The following THTPA variants were observed in gnomAD, a reference collection of about 807,000 sequenced individuals.
The protein encoded by THTPA is thiamine-triphosphatase.
In THTPA, 16 loss-of-function variants were observed where a neutral mutation model predicts 16.5. The ratio of observed to expected loss-of-function variants is 0.97; its 90% CI spans 0.66 to 1.47. THTPA has a LOEUF of 1.47. Among genes scored for constraint, THTPA ranks in the 40% most tolerant of loss-of-function variants. The pLI is 0.00. For missense variants in THTPA, 281 were observed against 280.9 expected (o/e 1.00, Z 0.00); for synonymous variants, 110 against 115.5 (o/e 0.95, Z 0.30).
chr14:23,514,904 G>A, the THTPA span, among the ~76,000 whole-genome samples: 4 of 152,090 alleles, frequency 2.6e-5, no homozygotes, highest in African/African-American at 9.7e-5. Context: ...CTCCCAACTA[G>A]ATATCCACCT....
At chr14:23,533,160 A>T in the THTPA span, 1 of 1,456,298 alleles carries the variant, frequency 6.9e-7, no homozygotes, top group Non-Finnish European at 9.0e-7. This position sits in a 1 kb window ranked among gnomAD's most constrained non-coding sequence, Gnocchi z 4.8. Context: ...GAGGTGGGTT[A>T]ATGAGTAGGA....
At chr14:23,530,635 T>A in the THTPA span, 1 of 352,892 alleles carries the variant, frequency 2.8e-6, no homozygotes, top group East Asian at 7.9e-5. Flanking sequence ...ACCGCTCAAG[T>A]AAGAATTGAC....
At chr14:23,522,981 C>T in the THTPA span, 1 of 1,428,134 alleles carries the variant, frequency 7.0e-7, no homozygotes. Flanking sequence ...TAGCCATCTC[C>T]TGTCCCATCA....
chr14:23,519,913 C>T, the THTPA span, among the ~76,000 whole-genome samples: 59 of 152,236 alleles, frequency 3.9e-4, no homozygotes, highest in Admixed American at 9.1e-4. Flanking sequence ...GGAAGGAGAA[C>T]ACCTTGAAAG....
At chr14:23,525,300 G>T in the THTPA span, 1 of 1,536,114 alleles carries the variant, frequency 6.5e-7, no homozygotes, top group Non-Finnish European at 8.7e-7. The surrounding 1 kb of genome is among the most constrained non-coding windows in gnomAD (Gnocchi z 5.9). Flanking sequence ...GGTGGGCCCA[G>T]ATGGGGAACA....
chr14:23,554,038 CAAAAAAAAAAAAAA>C (rs61363455), upstream of THTPA, among the ~76,000 whole-genome samples: 13 of 36,066 alleles, frequency 3.6e-4, 1 homozygote, highest in Admixed American at 3.5e-4. Context: ...GACTCTGTCT[CAAAAAAAAAAAAAA>C]AAAAAAAAAA....
the THTPA span, chr14:23,522,130 C>T: frequency 1.2e-5 from 18 of 1,528,332 alleles, no homozygotes; most frequent in East Asian, 4.9e-5. Context: ...GCCTGTGGGC[C>T]GAGGAGCGCA....
At chr14:23,530,599 G>C in the THTPA span, 1 of 384,328 alleles carries the variant, frequency 2.6e-6, no homozygotes, top group Non-Finnish European at 5.0e-6. Flanking sequence ...AGCAGGAAGT[G>C]GCAGGTCTAG....
In THTPA at chr14:23,556,863, C is replaced by T. The variant is rs890623514; in HGVS notation, c.106C>T (p.Arg36Ter). ...CACCCTGGAGTACCGGGTCACCTTC[C>T]GAGACACCTACTATGACACCCCTGA... The part of the protein sequence containing the change: ...GGTLEYRVTF[R>*]DTYYDTPELS... The change falls in exon 1 of 2, where the codon CGA becomes TGA. Residue 36 changes from arginine to a stop codon, truncating the protein, a stop_gained. Transcript: ENST00000288014. LOFTEE classifies it high-confidence loss of function. 7.4e-6 allele frequency: 12 copies of T among 1,613,036 alleles called. No individual in the cohort carries two copies. Among genetic ancestry groups the T allele is most frequent in the African/African-American group, 5.3e-5 (4 of 74,886 alleles).
chr14:23,516,760 C>A, the THTPA span, among the ~76,000 whole-genome samples: 11 of 152,156 alleles, frequency 7.2e-5, no homozygotes, highest in Non-Finnish European at 1.5e-4. Context: ...CAGCAAATGG[C>A]AGAAGATGCT....
chr14:23,527,098 T>C, the THTPA span: 1 of 1,348,220 alleles, frequency 7.4e-7, no homozygotes, highest in South Asian at 1.8e-5. Flanking sequence ...GCCTCCTGTC[T>C]GAACAAACCT....
At chr14:23,533,915 G>A in the THTPA span, 1 of 1,538,086 alleles carries the variant, frequency 6.5e-7, no homozygotes, top group Non-Finnish European at 8.7e-7. This position sits in a 1 kb window ranked among gnomAD's most constrained non-coding sequence, Gnocchi z 4.8. Flanking sequence ...TCTCGCATGT[G>A]CACATCCAGG....
the THTPA span, chr14:23,527,905 T>A: frequency 7.0e-6 from 5 of 715,780 alleles, no homozygotes; most frequent in African/African-American, 1.9e-5. Context: ...CCACTCCTTT[T>A]TTTTTTTTTT....
At chr14:23,548,841 C>T in the THTPA span, among the ~76,000 whole-genome samples, 1 of 152,072 alleles carries the variant, frequency 6.6e-6, no homozygotes, top group African/African-American at 2.4e-5. Flanking sequence ...TTTTTTCCAA[C>T]CCCCCGGCGC....
chr14:23,526,399 C>T, the THTPA span: 2 of 1,536,092 alleles, frequency 1.3e-6, no homozygotes, highest in Admixed American at 2.0e-5. Context: ...GAAACTTGTC[C>T]AGGGCAAAGT....
the THTPA span, chr14:23,522,978 C>T: frequency 1.4e-6 from 2 of 1,428,438 alleles, no homozygotes; most frequent in African/African-American, 1.4e-5. Context: ...GATTAGCCAT[C>T]TCCTGTCCCA....
At chr14:23,550,998 C>T (rs537026679), upstream of THTPA, among the ~76,000 whole-genome samples, 16 of 152,164 alleles carry the variant, frequency 1.1e-4, no homozygotes, top group African/African-American at 3.4e-4. Flanking sequence ...CTGCCCAACT[C>T]GGCGCGGTCC....
At chr14:23,513,874 G>A in the THTPA span, 1 of 152,444 alleles carries the variant, frequency 6.6e-6, no homozygotes, top group Non-Finnish European at 1.5e-5. Flanking sequence ...GAGGTGATTA[G>A]TGCTCTTCCA....
the THTPA span, chr14:23,528,955 CT>C: frequency 6.0e-6 from 3 of 497,592 alleles, no homozygotes; most frequent in Non-Finnish European, 7.8e-6. Flanking sequence ...CACCTAGCCC[CT>C]GGAGCAGACA....
Sources: gnomAD v4.1 joint callset for allele counts (sites outside exome capture counted in the v4.1 genomes callset) on GRCh38, gnomAD v4.1.1 for gene constraint, Gnocchi (gnomAD v3.1) non-coding constraint, MANE v1.5 for transcripts, NCBI Gene and HGNC (gene_info 2026-07-23, HGNC 2026-07-21) for gene names.